SCFD2: variants seen among roughly 807,000 people sequenced by gnomAD.
SCFD2 encodes sec1 family domain-containing protein 2.
In SCFD2, 54 loss-of-function variants were observed where a neutral mutation model predicts 58.9. The observed-to-expected ratio is 0.92, with a 90% CI of 0.74 to 1.15. The LOEUF is 1.15. SCFD2 is among the 50% of genes most tolerant of loss of function. The probability of loss-of-function intolerance (pLI) is 0.00; values close to 1 mark genes in which losing one functional copy is unlikely to be tolerated. For missense variants in SCFD2, 805 were observed against 836.6 expected, an observed-to-expected ratio of 0.96 and a Z score of 0.47; for synonymous variants, 321 against 335.9, an observed-to-expected ratio of 0.96 and a Z score of 0.49.
intron 4 of SCFD2, among the ~76,000 whole-genome samples, chr4:53,145,809 G>T (rs1180773625): frequency 2.6e-5 from 4 of 152,024 alleles, no homozygotes; most frequent in Non-Finnish European, 5.9e-5. Context: ...CAAGTTGTAG[G>T]TTCCATTATA....
At chr4:53,220,495 T>A (rs1729016640) in intron 4 of SCFD2, among the ~76,000 whole-genome samples, 2 of 152,218 alleles carry the variant, frequency 1.3e-5, no homozygotes, top group South Asian at 4.1e-4. Flanking sequence ...AATAACTAAG[T>A]AATTTCTGTG....
intron 4 of SCFD2, among the ~76,000 whole-genome samples, chr4:53,183,861 G>A (rs1727659030): frequency 6.6e-6 from 1 of 151,974 alleles, no homozygotes; most frequent in Admixed American, 6.6e-5. Context: ...AAAGTGTCCT[G>A]AACATATAAC....
At chr4:53,001,048 T>C (rs930435461) in intron 5 of SCFD2, among the ~76,000 whole-genome samples, 2 of 152,234 alleles carry the variant, frequency 1.3e-5, no homozygotes, top group African/African-American at 4.8e-5. Flanking sequence ...AAAACAACAC[T>C]AGCAATTTTG....
chr4:52,985,919 G>T (rs549723949), intron 5 of SCFD2, among the ~76,000 whole-genome samples: 1 of 152,002 alleles, frequency 6.6e-6, no homozygotes, highest in Admixed American at 6.6e-5. Context: ...GGTGAGGTGC[G>T]GGTATATGGA....
intron 4 of SCFD2, among the ~76,000 whole-genome samples, chr4:53,264,913 C>G (rs1730935559): frequency 6.6e-6 from 1 of 151,914 alleles, no homozygotes; most frequent in African/African-American, 2.4e-5. Context: ...TATATTTTAC[C>G]TCAATTTTCT....
chr4:53,097,182 T>A (rs1724677859), intron 5 of SCFD2, among the ~76,000 whole-genome samples: 1 of 152,208 alleles, frequency 6.6e-6, no homozygotes, highest in Admixed American at 6.5e-5. Flanking sequence ...GGCTTAGGAT[T>A]GTCTTGGCAA....
At chr4:52,929,232 G>A (rs978132457) in intron 5 of SCFD2, among the ~76,000 whole-genome samples, 5 of 152,156 alleles carry the variant, frequency 3.3e-5, no homozygotes, top group African/African-American at 9.7e-5. Flanking sequence ...TTCATCTGGA[G>A]GTAGGTAAGC....
chr4:52,952,664 T>C (rs1319501322), intron 5 of SCFD2, among the ~76,000 whole-genome samples: 1 of 152,230 alleles, frequency 6.6e-6, no homozygotes, highest in Non-Finnish European at 1.5e-5. Context: ...CCAGCATGGA[T>C]TGCTGAAGGC....
intron 5 of SCFD2, among the ~76,000 whole-genome samples, chr4:52,945,279 G>A (rs1314888814): frequency 1.1e-4 from 17 of 152,088 alleles, no homozygotes; most frequent in Admixed American, 9.2e-4. Flanking sequence ...GATCACATTC[G>A]TATGCTATAA....
intron 4 of SCFD2, among the ~76,000 whole-genome samples, chr4:53,177,015 A>T (rs188788999): frequency 4.6e-5 from 7 of 152,104 alleles, no homozygotes; most frequent in Non-Finnish European, 8.8e-5. Context: ...GACATCATGA[A>T]ATCAAATGTA....
At chr4:52,969,247 A>G (rs751388856) in intron 5 of SCFD2, among the ~76,000 whole-genome samples, 2 of 152,122 alleles carry the variant, frequency 1.3e-5, no homozygotes, top group Non-Finnish European at 2.9e-5. Flanking sequence ...GCAAGACCCT[A>G]TTGTGGTGGT....
chr4:53,009,470 A>G (rs942294934), intron 5 of SCFD2, among the ~76,000 whole-genome samples: 2 of 152,222 alleles, frequency 1.3e-5, no homozygotes, highest in Non-Finnish European at 2.9e-5. Context: ...GAGATTTTCA[A>G]ACTTACTTGG....
intron 5 of SCFD2, among the ~76,000 whole-genome samples, chr4:53,026,751 T>TGAAGGTCACTCTAATAG (rs1448576741): frequency 6.6e-6 from 1 of 152,124 alleles, no homozygotes; most frequent in Non-Finnish European, 1.5e-5. Flanking sequence ...TGCCATTACT[T>TGAAGGTCACTCTAATAG]GAAGGTCACT....
intron 4 of SCFD2, among the ~76,000 whole-genome samples, chr4:53,225,789 A>G (rs1200417034): frequency 6.6e-6 from 1 of 152,122 alleles, no homozygotes; most frequent in African/African-American, 2.4e-5. Context: ...TAGTTCTAGA[A>G]CCCTCTAATC....
chr4:53,328,910 G>A (rs1374498239), intron 2 of SCFD2, among the ~76,000 whole-genome samples: 1 of 152,252 alleles, frequency 6.6e-6, no homozygotes. Flanking sequence ...AGCCGAAGCA[G>A]GGCGAGGCAT....
chr4:53,118,891 A>C (rs559586462), intron 5 of SCFD2, among the ~76,000 whole-genome samples: 1 of 152,330 alleles, frequency 6.6e-6, no homozygotes, highest in East Asian at 1.9e-4. Context: ...TATCCATATC[A>C]CATGGGGGAA....
rs185939115 is a variant in SCFD2 at position 53,107,128 on chromosome 4, G to A, written c.1561+38205C>T. Among the ~76,000 whole-genome samples, 723 of 152,208 alleles carry A rather than the reference G, an allele frequency of 4.8e-3. 9 individuals are homozygous for A. Among genetic ancestry groups the A allele is most frequent in the African/African-American group, 0.016 (683 of 41,514 alleles). ...AGAATTTCATATTCAGCCAAACTAA[G>A]CTTCATAAGCACAGGAGAAATAAAA... is the stretch of plus-strand genomic sequence containing the variant. On this transcript the variant is annotated intron_variant, in intron 5 of 8. Transcript: ENST00000401642.
rs1196730608 is a variant in SCFD2 at position 53,344,971 on chromosome 4, T to C, written c.1007+7627A>G. On this transcript the variant is annotated intron_variant, in intron 2 of 8. Transcript: ENST00000401642. Reference sequence around the variant, plus strand: ...ATTCAAGATGGATTAAAGACTTAAATATTAGGCCTAAAACCATAAAAACCC... The same window carrying C: ...ATTCAAGATGGATTAAAGACTTAAACATTAGGCCTAAAACCATAAAAACCC... Among the ~76,000 whole-genome samples the C allele has an allele frequency of 2.0e-5, 3 of 152,240 alleles. No individual in the cohort carries two copies. In the East Asian group the frequency reaches 5.8e-4, roughly 29 times the overall value.
chr4:53,098,706 A>G (rs1300299674), intron 5 of SCFD2, among the ~76,000 whole-genome samples: 2 of 151,920 alleles, frequency 1.3e-5, no homozygotes, highest in Admixed American at 6.6e-5. Context: ...CTTCCCTGAC[A>G]TCTCTATTTA....
Sources: allele counts gnomAD v4.1 joint callset (sites outside exome capture counted in the v4.1 genomes callset), GRCh38; gene constraint gnomAD v4.1.1; transcripts MANE v1.5; gene names NCBI Gene and HGNC (gene_info 2026-07-23, HGNC 2026-07-21).